MUC22: variants seen among roughly 807,000 people sequenced by gnomAD.
The protein encoded by MUC22 is mucin-22.
MUC22 carries 24 observed loss-of-function variants against 40.3 expected under a neutral mutation model. The observed-to-expected ratio is 0.60, with a 90% confidence interval of 0.43 to 0.84. The LOEUF (loss-of-function observed/expected upper bound fraction) is 0.84, where lower values mean the gene tolerates loss of function less well. Among genes scored for constraint, MUC22 ranks in the 40% least tolerant of loss-of-function variants. The pLI is 0.00. For synonymous variants in MUC22, 765 were observed against 844.5 expected (o/e 0.91, Z 1.63); for missense variants, 1,926 against 2,130.7 (o/e 0.90, Z 1.89).
upstream of MUC22, among the ~76,000 whole-genome samples, chr6:31,007,005 T>TA (rs1161650906): frequency 1.3e-5 from 2 of 151,896 alleles, no homozygotes; most frequent in African/African-American, 4.8e-5. This position sits in a 1 kb window ranked among gnomAD's most constrained non-coding sequence, Gnocchi z 4.0. Context: ...AAATAAAATT[T>TA]AAAAAAAGGA....
Position 31,029,677 on chromosome 6 carries a change from A to G in MUC22, c.4246A>G (p.Thr1416Ala), listed in dbSNP as rs1285612325. Residue 1416 changes from threonine (T) to alanine (A), a missense_variant, in exon 2 of 4, where the codon ACC becomes GCC. This residue lies in a region of MUC22 where 610 missense variants were observed against 714.6 expected (regional missense o/e 0.85). Coordinates refer to ENST00000561890, the Ensembl canonical transcript of MUC22. ...AGTCTCTACCATAGGCTCTGAGGCC[A>G]CCACATCCTCTGCTGCAGGCTCTGA... 4 of 1,534,816 alleles carry G rather than the reference A, an allele frequency of 2.6e-6. No homozygotes were observed. In the African/African-American group the frequency reaches 5.5e-5, roughly 21 times the overall value.
rs1765474722 is a variant in MUC22, at chr6:31,027,209, C to T, written c.1778C>T (p.Ser593Phe). 7.3e-6 allele frequency: 11 copies of T among 1,503,684 alleles called. 1 individual carries two copies. Among genetic ancestry groups the T allele is most frequent in the African/African-American group, 1.4e-5 (1 of 71,956 alleles). 93.1% of individuals were successfully genotyped at this position (1,503,684 alleles called of 1,614,324 possible). ...ACAATCAGAGCCTCTACCGTAGGCT[C>T]TGAGACCACCACAGTCTCTACCACA... Residue 593 changes from serine to phenylalanine, a missense_variant, in exon 2 of 4, where the codon TCT becomes TTT. Around this residue, in one of 3 missense-constraint regions of MUC22, gnomAD observed 1,281 missense variants for 1,337.8 expected, o/e 0.96. Coordinates refer to ENST00000561890, the Ensembl canonical transcript of MUC22.
chr6:31,019,894 T>C (rs1764544319), intron 1 of MUC22, among the ~76,000 whole-genome samples: 1 of 152,116 alleles, frequency 6.6e-6, no homozygotes, highest in Non-Finnish European at 1.5e-5. Context: ...GCCTGGCATG[T>C]TTTGTCAGAA....
At chr6:31,026,848 C>T in exon 2 of MUC22, 2 of 1,457,178 alleles carry the variant, frequency 1.4e-6, no homozygotes, top group Non-Finnish European at 9.1e-7. Flanking sequence ...CTCTACTGCA[C>T]ATTCTGAGAC....
intron 2 of MUC22, among the ~76,000 whole-genome samples, chr6:31,031,060 G>A (rs1020835212): frequency 6.6e-6 from 1 of 152,198 alleles, no homozygotes; most frequent in African/African-American, 2.4e-5. Flanking sequence ...CTTGCCATCA[G>A]CAAGCCGGTT....
intron 3 of MUC22, among the ~76,000 whole-genome samples, 192 bp from the exon 4 acceptor site, chr6:31,034,480 A>G (rs1011068513): frequency 2.0e-5 from 3 of 152,202 alleles, no homozygotes; most frequent in African/African-American, 7.2e-5. Context: ...ATTTTGTCAG[A>G]CGGAGAAAGA....
At chr6:31,035,212 TGTGA>T (rs1320680752) in exon 4 of MUC22, 1 of 452,726 alleles carries the variant, frequency 2.2e-6, no homozygotes, top group African/African-American at 2.0e-5. Flanking sequence ...TCAAAGCTTC[TGTGA>T]GTTTTTCCTG....
intron 1 of MUC22, among the ~76,000 whole-genome samples, chr6:31,022,586 G>A (rs942019601): frequency 2.0e-5 from 3 of 151,864 alleles, no homozygotes; most frequent in African/African-American, 7.3e-5. Context: ...AATTTTAAAA[G>A]ATAATATACT....
chr6:31,025,937 C>T, exon 2 of MUC22: 3 of 1,535,376 alleles, frequency 2.0e-6, no homozygotes, highest in Non-Finnish European at 2.6e-6. Context: ...ACGATGGCCT[C>T]CTCCATAATT....
intron 2 of MUC22, 134 bp downstream of exon 2, chr6:31,030,234 T>C: frequency 9.0e-7 from 1 of 1,108,176 alleles, no homozygotes. Flanking sequence ...TTTCCTCTTC[T>C]AGGCTGGGCG....
chr6:31,028,188 T>C, exon 2 of MUC22: 1 of 1,533,694 alleles, frequency 6.5e-7, no homozygotes, highest in Non-Finnish European at 8.7e-7. Context: ...CCATCACCTC[T>C]ACTGAAGGCT....
upstream of MUC22, among the ~76,000 whole-genome samples, chr6:31,006,686 T>A (rs1763541981): frequency 6.6e-6 from 1 of 152,110 alleles, no homozygotes; most frequent in African/African-American, 2.4e-5. Flanking sequence ...CATACTGTGA[T>A]ATATGTATAG....
chr6:31,027,957 C>T (rs1765587109), exon 2 of MUC22: 1 of 1,535,092 alleles, frequency 6.5e-7, no homozygotes, highest in East Asian at 2.5e-5. Context: ...CCACTGCAGG[C>T]TCTGAGACCA....
At chr6:31,024,769 T>A (rs9262544) in intron 1 of MUC22, among the ~76,000 whole-genome samples, 22,099 of 152,226 alleles carry the variant, frequency 0.15, 1,764 homozygotes, top group African/African-American at 0.19. Context: ...GGTCTCCTAT[T>A]TATTCATGAA....
chr6:31,018,800 C>G (rs923747137), intron 1 of MUC22, among the ~76,000 whole-genome samples: 2 of 152,262 alleles, frequency 1.3e-5, no homozygotes, highest in African/African-American at 4.8e-5. Context: ...CCATATTTTT[C>G]TAGAGCCTCT....
chr6:31,029,435 C>T, exon 2 of MUC22: 19 of 1,534,836 alleles, frequency 1.2e-5, no homozygotes, highest in Non-Finnish European at 1.7e-5. Context: ...GATTTGGAGA[C>T]CACCACAGTC....
intron 1 of MUC22, among the ~76,000 whole-genome samples, chr6:31,022,402 C>T (rs1040473102): frequency 2.0e-5 from 3 of 152,128 alleles, no homozygotes; most frequent in South Asian, 2.1e-4. Flanking sequence ...GGTGATCTGC[C>T]TGCCTCTGCT....
exon 2 of MUC22, chr6:31,029,831 C>T (rs1266478568): frequency 2.7e-6 from 4 of 1,470,554 alleles, no homozygotes; most frequent in Non-Finnish European, 3.6e-6. Context: ...GAGACCAACA[C>T]AGCCTGTACC....
intron 1 of MUC22, among the ~76,000 whole-genome samples, chr6:31,017,619 G>C (rs1290410044): frequency 1.3e-5 from 2 of 152,184 alleles, no homozygotes; most frequent in Non-Finnish European, 1.5e-5. Flanking sequence ...CCTGTGTATA[G>C]CTCAAGGTTT....
Sources: gnomAD v4.1 joint callset for allele counts (sites outside exome capture counted in the v4.1 genomes callset) on GRCh38, gnomAD v4.1.1 for gene constraint, gnomAD v4.1.1 regional missense constraint, Gnocchi (gnomAD v3.1) non-coding constraint, MANE v1.5 for transcripts, NCBI Gene and HGNC (gene_info 2026-07-23, HGNC 2026-07-21) for gene names.